TCF7L1: variants seen among roughly 807,000 people sequenced by gnomAD.
TCF7L1 encodes transcription factor 7-like 1.
A neutral mutation model predicts 63.7 loss-of-function variants in TCF7L1; 18 were observed. The observed-to-expected ratio is 0.28, with a 90% CI of 0.20 to 0.42. The LOEUF (loss-of-function observed/expected upper bound fraction) is 0.42, where lower values mean the gene tolerates loss of function less well. Ranked by LOEUF, TCF7L1 falls within the 10% of genes least tolerant of loss-of-function variation. The pLI is 1.00. For synonymous variants in TCF7L1, 355 were observed against 340.9 expected (o/e 1.04, Z -0.46); for missense variants, 654 against 779.3 (o/e 0.84, Z 1.91).
chr2:85,307,464 GCT>G (rs1444063499), intron 10 of TCF7L1, among the ~76,000 whole-genome samples, 176 bp from the exon 11 acceptor site: 1 of 152,080 alleles, frequency 6.6e-6, no homozygotes, highest in African/African-American at 2.4e-5. Context: ...GGGAGGAAGG[GCT>G]CCCTCTGCCT....
At chr2:85,139,723 C>A (rs1359892049) in intron 3 of TCF7L1, among the ~76,000 whole-genome samples, 1 of 152,082 alleles carries the variant, frequency 6.6e-6, no homozygotes, top group East Asian at 1.9e-4. Flanking sequence ...GAGCCAGGAC[C>A]AGGAGAGTGA....
At chr2:85,170,297 A>G (rs1678517756) in intron 3 of TCF7L1, among the ~76,000 whole-genome samples, 1 of 152,222 alleles carries the variant, frequency 6.6e-6, no homozygotes, top group South Asian at 2.1e-4. Flanking sequence ...GGCATTTTCA[A>G]CAAAGTGAGC....
At chr2:85,142,432 ATGTGTGTGTGTGTGTGTGTG>A (rs138067915) in intron 3 of TCF7L1, among the ~76,000 whole-genome samples, 3 of 138,076 alleles carry the variant, frequency 2.2e-5, no homozygotes, top group African/African-American at 5.5e-5. Context: ...AAAAAAAAAA[ATGTGTGTGTGTGTGTGTGTG>A]TGTGTGTGTG....
chr2:85,298,918 C>A lies in TCF7L1; in HGVS notation c.526-3566C>A, dbSNP rs139714956. ...CTTCTAGGAGGCCACTATCTACTTA[C>A]CGCCTTCCCTCCCGGTTCATTTTCT... On this transcript the variant is annotated intron_variant, in intron 4 of 11. Coordinates refer to ENST00000282111, the MANE Select transcript of TCF7L1 (RefSeq NM_031283.3). Among the ~76,000 whole-genome samples, 164 of 152,160 alleles carry A rather than the reference C, an allele frequency of 1.1e-3. 3 individuals carry two copies. Among genetic ancestry groups the A allele is most frequent in the South Asian group, 6.6e-3 (32 of 4,814 alleles).
Position 85,306,356 on chromosome 2 carries a change from T to G in TCF7L1, c.1140T>G (p.Leu380=). The G allele has an allele frequency of 6.2e-7, 1 of 1,614,144 alleles. No individual in the cohort carries two copies. Among genetic ancestry groups the G allele is most frequent in the Non-Finnish European group, 8.5e-7 (1 of 1,180,014 alleles). Residue 380 remains leucine, a synonymous_variant, in exon 9 of 12, where the codon CTT becomes CTG. Coordinates refer to ENST00000282111, the MANE Select transcript of TCF7L1 (RefSeq NM_031283.3). This position sits in a 1 kb window ranked among gnomAD's most constrained non-coding sequence, Gnocchi z 4.3. ...LKESAAINQI[L]GRKWHNLSRE... is the part of the protein sequence containing the mutation. ...AAAGTGCAGCCATTAACCAGATCCT[T>G]GGAAGAAAGGTAAGACCTGCCCTCT...
intron 3 of TCF7L1, among the ~76,000 whole-genome samples, chr2:85,215,200 G>A (rs746469946): frequency 8.5e-5 from 13 of 152,306 alleles, no homozygotes; most frequent in Admixed American, 2.0e-4. Context: ...CTCAGGTTCC[G>A]TTTCTTTGTG....
intron 3 of TCF7L1, among the ~76,000 whole-genome samples, chr2:85,254,242 A>G (rs1680654444): frequency 1.3e-5 from 2 of 152,284 alleles, no homozygotes; most frequent in South Asian, 4.1e-4. Context: ...TCCTTAGCAG[A>G]ACTGCTGGGT....
intron 3 of TCF7L1, among the ~76,000 whole-genome samples, chr2:85,257,773 C>T (rs779655439): frequency 6.6e-6 from 1 of 152,188 alleles, no homozygotes; most frequent in African/African-American, 2.4e-5. Context: ...CTGCTGCCCA[C>T]GTGGGGACTG....
At chr2:85,307,380 C>G (rs1487398010) in intron 10 of TCF7L1, among the ~76,000 whole-genome samples, 1 of 152,170 alleles carries the variant, frequency 6.6e-6, no homozygotes, top group Non-Finnish European at 1.5e-5. Flanking sequence ...AAAACAGAGT[C>G]TGAAGGGCAG....
intron 6 of TCF7L1, 127 bp from the exon 7 acceptor site, chr2:85,304,128 A>T: frequency 4.9e-6 from 6 of 1,217,480 alleles, no homozygotes; most frequent in Non-Finnish European, 7.1e-6. Flanking sequence ...GCCCCCGCCC[A>T]GGCAGCGTGC....
At chr2:85,159,550 A>C (rs536903806) in intron 3 of TCF7L1, among the ~76,000 whole-genome samples, 1 of 152,310 alleles carries the variant, frequency 6.6e-6, no homozygotes, top group South Asian at 2.1e-4. Flanking sequence ...AGGGAATGTG[A>C]AAGGAAACAG....
rs1677509411 is a variant in TCF7L1 at position 85,133,647 on chromosome 2, G to A, written c.-38G>A. 10 of 856,052 alleles carry A rather than the reference G, an allele frequency of 1.2e-5. No individual in the cohort carries two copies. In the South Asian group the frequency reaches 5.1e-4, roughly 44 times the overall value. The allele number at this position is 856,052 out of a possible 1,614,324, so 53.0% of individuals were successfully genotyped here. On this transcript the variant is annotated 5_prime_UTR_variant, in exon 1 of 12. Coordinates refer to ENST00000282111, the MANE Select transcript of TCF7L1 (RefSeq NM_031283.3). The surrounding 1 kb of genome is among the most constrained non-coding windows in gnomAD (Gnocchi z 4.4). ...GGCCGGGCAGGGCGCGGGCGGCTAGGGGCTCCGAGAGCGGCGGCCCCGGCC... is the reference window on the plus strand; with the variant it reads ...GGCCGGGCAGGGCGCGGGCGGCTAGAGGCTCCGAGAGCGGCGGCCCCGGCC...
chr2:85,245,807 T>A (rs1680450002), intron 3 of TCF7L1, among the ~76,000 whole-genome samples: 1 of 146,284 alleles, frequency 6.8e-6, no homozygotes, highest in Non-Finnish European at 1.5e-5. Flanking sequence ...AGAGCGAGAC[T>A]CCATCTCAAA....
chr2:85,289,221 A>T (rs1573027692), intron 4 of TCF7L1, among the ~76,000 whole-genome samples: 1 of 146,422 alleles, frequency 6.8e-6, no homozygotes, highest in Non-Finnish European at 1.5e-5. Context: ...TTCAGTCTGG[A>T]GTGTGTGTGT....
intron 3 of TCF7L1, among the ~76,000 whole-genome samples, chr2:85,176,913 G>A (rs111859481): frequency 0.035 from 5,336 of 151,214 alleles, 319 homozygotes; most frequent in African/African-American, 0.12. Flanking sequence ...CTTAAACCCA[G>A]GAGGTGGAGG....
chr2:85,304,418 C>A (rs775249893), intron 7 of TCF7L1, 80 bp downstream of exon 7: 11 of 1,451,440 alleles, frequency 7.6e-6, no homozygotes, highest in South Asian at 1.2e-5. Context: ...CTTTTTCTTG[C>A]CAGTTAATGA....
Position 85,134,328 on chromosome 2 carries a change from A to C in TCF7L1, c.319A>C (p.Arg107=). The C allele has an allele frequency of 6.3e-7, 1 of 1,583,778 alleles. No individual in the cohort carries two copies. The highest frequency in any genetic ancestry group is 1.3e-5 in the African/African-American group (1 of 74,300). The part of the protein sequence containing the change: ...KPRDYFAEVR[R]PQDSAFFKGP... ...CGCCTTGGTCTTGTTCGCAGTGAGAAGGCCTCAGGACAGCGCGTTCTTTAA... is the reference window on the plus strand; with the variant it reads ...CGCCTTGGTCTTGTTCGCAGTGAGACGGCCTCAGGACAGCGCGTTCTTTAA... Residue 107 remains arginine, a synonymous_variant, in exon 3 of 12, where the codon AGG becomes CGG. Transcript: ENST00000282111. This position sits in a 1 kb window ranked among gnomAD's most constrained non-coding sequence, Gnocchi z 5.0.
chr2:85,272,535 A>C (rs891043144), intron 3 of TCF7L1, among the ~76,000 whole-genome samples: 3 of 152,080 alleles, frequency 2.0e-5, no homozygotes, highest in African/African-American at 7.2e-5. Flanking sequence ...GCTCAAAGCT[A>C]TAATCCCAAG....
intron 3 of TCF7L1, among the ~76,000 whole-genome samples, chr2:85,259,841 A>G (rs1680815960): frequency 6.6e-6 from 1 of 152,116 alleles, no homozygotes; most frequent in African/African-American, 2.4e-5. Context: ...GAGGAAAGGA[A>G]AAAGGAGGGC....
Sources: gnomAD v4.1 joint callset for allele counts (sites outside exome capture counted in the v4.1 genomes callset) on GRCh38, gnomAD v4.1.1 for gene constraint, Gnocchi (gnomAD v3.1) non-coding constraint, MANE v1.5 for transcripts, NCBI Gene and HGNC (gene_info 2026-07-23, HGNC 2026-07-21) for gene names.